Variants in SPPL3 observed in about 807,000 individuals in gnomAD.
SPPL3 encodes the protein signal peptide peptidase like 3.
Under a neutral mutation model 42.4 loss-of-function variants are expected in SPPL3, and 5 were observed. That is an observed-to-expected ratio of 0.12 (90% CI 0.06 to 0.25). The LOEUF is 0.25. Among genes scored for constraint, SPPL3 ranks in the 10% least tolerant of loss-of-function variants. The pLI is 1.00. For missense variants in SPPL3, 235 were observed against 489.0 expected (o/e 0.48, Z 4.90); for synonymous variants, 195 against 181.8 (o/e 1.07, Z -0.58).
chr12:120,825,756 GAAAATCAGTC>G (rs1424632996), intron 1 of SPPL3, among the ~76,000 whole-genome samples: 2 of 152,120 alleles, frequency 1.3e-5, no homozygotes, highest in Non-Finnish European at 2.9e-5. Flanking sequence ...AATATTTTTG[GAAAATCAGTC>G]AGGCAGAAAT....
intron 1 of SPPL3, among the ~76,000 whole-genome samples, chr12:120,871,070 C>T (rs1201920089): frequency 1.5e-5 from 2 of 133,624 alleles, no homozygotes; most frequent in Admixed American, 1.8e-4. Context: ...GCAGAAGTTG[C>T]AGTGAGCTGA....
At chr12:120,798,052 G>A (rs1418469330) in intron 2 of SPPL3, among the ~76,000 whole-genome samples, 3 of 152,098 alleles carry the variant, frequency 2.0e-5, no homozygotes, top group Non-Finnish European at 4.4e-5. Context: ...ATATAAATCT[G>A]GCCAACGAAC....
At chr12:120,869,172 T>A (rs1872849811) in intron 1 of SPPL3, among the ~76,000 whole-genome samples, 1 of 152,184 alleles carries the variant, frequency 6.6e-6, no homozygotes, top group Non-Finnish European at 1.5e-5. Flanking sequence ...ATTTGAAACA[T>A]CACCATGAAT....
chr12:120,826,922 T>A (rs1461176214), intron 1 of SPPL3, among the ~76,000 whole-genome samples: 1 of 152,130 alleles, frequency 6.6e-6, no homozygotes, highest in African/African-American at 2.4e-5. Flanking sequence ...AATTGAGACA[T>A]TCATAAAATG....
chr12:120,891,599 A>T (rs1366788825), intron 1 of SPPL3, among the ~76,000 whole-genome samples: 1 of 152,200 alleles, frequency 6.6e-6, no homozygotes, highest in Non-Finnish European at 1.5e-5. Context: ...CTGAAATAGT[A>T]GTGAGAGAGA....
At chr12:120,823,963 C>T (rs1435411022) in intron 1 of SPPL3, among the ~76,000 whole-genome samples, 1 of 151,848 alleles carries the variant, frequency 6.6e-6, no homozygotes, top group Non-Finnish European at 1.5e-5. Context: ...CTCCGCCTCC[C>T]GGGTTCACAC....
At chr12:120,804,729 C>A (rs1279499883) in intron 2 of SPPL3, among the ~76,000 whole-genome samples, 2 of 152,088 alleles carry the variant, frequency 1.3e-5, no homozygotes, top group Non-Finnish European at 2.9e-5. Context: ...TTAGACCCAG[C>A]AATTCTGCTA....
chr12:120,851,119 C>T (rs1003481953), intron 1 of SPPL3, among the ~76,000 whole-genome samples: 3 of 152,152 alleles, frequency 2.0e-5, no homozygotes, highest in Non-Finnish European at 4.4e-5. Flanking sequence ...TACAGTATCT[C>T]GTTTAGATAC....
chr12:120,883,685 A>G (rs1038509436), intron 1 of SPPL3, among the ~76,000 whole-genome samples: 2 of 152,242 alleles, frequency 1.3e-5, no homozygotes, highest in Non-Finnish European at 2.9e-5. Context: ...GGAATGCAAC[A>G]ACTGGGACAA....
At chr12:120,842,267 AAAGT>A (rs1425098080) in intron 1 of SPPL3, among the ~76,000 whole-genome samples, 4 of 152,204 alleles carry the variant, frequency 2.6e-5, no homozygotes, top group Non-Finnish European at 5.9e-5. Context: ...TTGATTCATA[AAAGT>A]AATAATGGCA....
chr12:120,865,350 A>C (rs966801290), intron 1 of SPPL3, among the ~76,000 whole-genome samples: 5 of 152,224 alleles, frequency 3.3e-5, no homozygotes, highest in Non-Finnish European at 7.3e-5. Context: ...TACAACGGCC[A>C]GTACAGTGTG....
chr12:120,782,652 C>T lies in SPPL3; in HGVS notation c.502+3G>A. 6.2e-7 allele frequency: 1 copy of T among 1,600,162 alleles called. No homozygotes were observed. Among genetic ancestry groups the T allele is most frequent in the South Asian group, 1.1e-5 (1 of 89,724 alleles). On this transcript the variant is annotated splice_donor_region_variant and intron_variant, in intron 6 of 10. Transcript: ENST00000353487. The stretch of plus-strand genomic sequence containing the variant: ...TACAATTTGTCACAAATTAGTCACT[C>T]ACCATCCATGAGAAGCCAATGGCCA...
chr12:120,866,168 ATAAAG>A (rs62769762), intron 1 of SPPL3, among the ~76,000 whole-genome samples: 59,462 of 151,482 alleles, frequency 0.39, 12,507 homozygotes, highest in Non-Finnish European at 0.48. Context: ...AAAATGCAAC[ATAAAG>A]TAATGTGCTT....
chr12:120,839,119 CAAT>C (rs1168092981), intron 1 of SPPL3, among the ~76,000 whole-genome samples: 1 of 151,700 alleles, frequency 6.6e-6, no homozygotes, highest in African/African-American at 2.4e-5. Context: ...AAATGTCCAA[CAAT>C]GATAGACTGG....
chr12:120,836,997 T>C (rs1871642487), intron 1 of SPPL3, among the ~76,000 whole-genome samples: 1 of 152,204 alleles, frequency 6.6e-6, no homozygotes, highest in South Asian at 2.1e-4. Context: ...CATTTTTTTT[T>C]TGTAACTGCA....
chr12:120,794,541 G>A (rs1870035871), intron 2 of SPPL3, among the ~76,000 whole-genome samples: 1 of 152,108 alleles, frequency 6.6e-6, no homozygotes, highest in African/African-American at 2.4e-5. Context: ...GGGACTACAG[G>A]CGCATGCCAC....
intron 4 of SPPL3, 101 bp downstream of exon 4, chr12:120,784,373 C>G (rs1869643211): frequency 1.6e-6 from 2 of 1,273,154 alleles, no homozygotes; most frequent in Admixed American, 2.6e-5. Context: ...TAAGGAAAAA[C>G]TTACATGACA....
chr12:120,768,598 G>A (rs1868992472), intron 7 of SPPL3, 110 bp from the exon 8 acceptor site: 13 of 1,233,792 alleles, frequency 1.1e-5, no homozygotes, highest in Non-Finnish European at 1.5e-5. Flanking sequence ...TGACTGCAAT[G>A]CTTTCGTTGA....
At chr12:120,876,484 G>GC (rs1873091373) in intron 1 of SPPL3, among the ~76,000 whole-genome samples, 1 of 151,442 alleles carries the variant, frequency 6.6e-6, no homozygotes, top group African/African-American at 2.4e-5. Context: ...GGGCGTGGTG[G>GC]CGGGCACCTG....
Sources: allele counts gnomAD v4.1 joint callset (sites outside exome capture counted in the v4.1 genomes callset), GRCh38; gene constraint gnomAD v4.1.1; transcripts MANE v1.5; gene names NCBI Gene and HGNC (gene_info 2026-07-23, HGNC 2026-07-21).